The following KHDRBS3 variants were observed in gnomAD, a reference collection of about 807,000 sequenced individuals.
The protein encoded by KHDRBS3 is KH domain-containing, RNA-binding, signal transduction-associated protein 3.
KHDRBS3 carries 23 observed loss-of-function variants against 45.6 expected under a neutral mutation model. The observed-to-expected ratio is 0.50, with a 90% CI of 0.36 to 0.72. The LOEUF (loss-of-function observed/expected upper bound fraction) is 0.72. Ranked by LOEUF, KHDRBS3 falls within the 30% of genes least tolerant of loss-of-function variation. KHDRBS3 has a pLI of 0.00. For missense variants in KHDRBS3, 352 were observed against 424.8 expected, an observed-to-expected ratio of 0.83 and a Z score of 1.51; for synonymous variants, 162 against 156.5, an observed-to-expected ratio of 1.04 and a Z score of -0.26.
At chr8:135,570,582 A>G (rs117044766) in intron 5 of KHDRBS3, among the ~76,000 whole-genome samples, 2 of 152,378 alleles carry the variant, frequency 1.3e-5, no homozygotes, top group East Asian at 3.9e-4. Flanking sequence ...GAAATTTTAA[A>G]TAAAAGAACA....
intron 5 of KHDRBS3, among the ~76,000 whole-genome samples, chr8:135,574,652 T>C (rs1827869483): frequency 6.6e-6 from 1 of 152,210 alleles, no homozygotes; most frequent in Non-Finnish European, 1.5e-5. Context: ...CATTAATTAG[T>C]TTAAATATAC....
At chr8:135,626,747 T>C (rs941922257) in intron 7 of KHDRBS3, among the ~76,000 whole-genome samples, 116 of 135,870 alleles carry the variant, frequency 8.5e-4, no homozygotes, top group Non-Finnish European at 1.5e-3. Context: ...GAGCTTGCAG[T>C]GAGCCGAGAT....
intron 1 of KHDRBS3, among the ~76,000 whole-genome samples, chr8:135,512,815 T>A (rs1269188133): frequency 6.6e-6 from 1 of 152,188 alleles, no homozygotes; most frequent in Non-Finnish European, 1.5e-5. Context: ...AATGAGTATA[T>A]GAAAATATAT....
intron 7 of KHDRBS3, among the ~76,000 whole-genome samples, chr8:135,632,931 C>T (rs1830664416): frequency 6.6e-6 from 1 of 152,120 alleles, no homozygotes; most frequent in South Asian, 2.1e-4. Flanking sequence ...CAGATAATAT[C>T]TGCATATCTC....
rs1240319373 is a variant in KHDRBS3, at chr8:135,567,031, A to G, written c.611+9444A>G. Among the ~76,000 whole-genome samples the G allele has an allele frequency of 3.9e-5, 6 of 152,176 alleles. No homozygotes were observed. In the South Asian group the frequency reaches 8.3e-4, roughly 21 times the overall value. ...AGTGGTGGCAGTCTTCATTGACTGC[A>G]TAATTACTCCTGAACGCCTCTGAAT... On this transcript the variant is annotated intron_variant, in intron 5 of 8. Transcript: ENST00000355849.
chr8:135,585,090 G>A (rs1828403129), intron 6 of KHDRBS3, among the ~76,000 whole-genome samples: 4 of 151,662 alleles, frequency 2.6e-5, no homozygotes, highest in Middle Eastern at 3.4e-3. Flanking sequence ...TTAGCCGGGT[G>A]TAGTGGTGCG....
intron 5 of KHDRBS3, among the ~76,000 whole-genome samples, chr8:135,577,863 A>G (rs2130910268): frequency 6.6e-6 from 1 of 152,320 alleles, no homozygotes; most frequent in South Asian, 2.1e-4. Context: ...CCAGGCAGGA[A>G]TGAGAGTTTA....
chr8:135,537,197 G>A (rs1274541051), intron 2 of KHDRBS3, among the ~76,000 whole-genome samples: 2 of 152,118 alleles, frequency 1.3e-5, no homozygotes, highest in Admixed American at 6.5e-5. Flanking sequence ...AGGGACTCTG[G>A]AAGAAGAGCA....
chr8:135,460,071 G>A (rs1821355179), intron 1 of KHDRBS3, among the ~76,000 whole-genome samples: 1 of 152,140 alleles, frequency 6.6e-6, no homozygotes, highest in Non-Finnish European at 1.5e-5. Context: ...TTAATTACAC[G>A]CTTATGTAAC....
intron 1 of KHDRBS3, among the ~76,000 whole-genome samples, chr8:135,459,442 A>G (rs957204342): frequency 1.3e-5 from 2 of 152,258 alleles, no homozygotes; most frequent in Non-Finnish European, 2.9e-5. Context: ...TAAAAGAAAA[A>G]AAATTAAGTT....
chr8:135,604,496 ACTTC>A (rs551061458), intron 6 of KHDRBS3, among the ~76,000 whole-genome samples: 75 of 150,676 alleles, frequency 5.0e-4, no homozygotes, highest in Middle Eastern at 6.9e-3. Context: ...TTTGTACCTT[ACTTC>A]CTTCTTTTGT....
chr8:135,521,473 A>G (rs1272346315), intron 2 of KHDRBS3, 118 bp downstream of exon 2: 1 of 571,626 alleles, frequency 1.7e-6, no homozygotes, highest in South Asian at 2.7e-5. Flanking sequence ...CCCCCTACAC[A>G]CACTTTTAAA....
In KHDRBS3 at chr8:135,489,233, A is replaced by C. The variant is rs77245866; in HGVS notation, c.88+31279A>C. On this transcript the variant is annotated intron_variant, in intron 1 of 8. Transcript: ENST00000355849. ...GCTAGACTCTAAACCCCAAGAGGAC[A>C]GTGCCTGTTTTTTTGTTTGGTTTTG... 2.1e-3 allele frequency among the ~76,000 whole-genome samples: 312 copies of C among 152,148 alleles called. 1 individual carries two copies. Among genetic ancestry groups the C allele is most frequent in the Non-Finnish European group, 3.3e-3 (227 of 68,022 alleles).
At chr8:135,522,119 G>A (rs889231167) in intron 2 of KHDRBS3, among the ~76,000 whole-genome samples, 1 of 152,026 alleles carries the variant, frequency 6.6e-6, no homozygotes, top group East Asian at 1.9e-4. Flanking sequence ...CCCATGACAG[G>A]CCCCACTGTG....
intron 1 of KHDRBS3, among the ~76,000 whole-genome samples, chr8:135,518,961 A>G (rs1824766466): frequency 2.0e-5 from 3 of 152,228 alleles, no homozygotes; most frequent in Admixed American, 2.0e-4. Flanking sequence ...AATCAATAAA[A>G]TTAAAGGTAC....
At chr8:135,637,379 A>G (rs1297864647) in intron 7 of KHDRBS3, among the ~76,000 whole-genome samples, 1 of 152,250 alleles carries the variant, frequency 6.6e-6, no homozygotes, top group Non-Finnish European at 1.5e-5. Context: ...AAACTAGGTC[A>G]GTCTAGAGCA....
At position 135,647,258 on chromosome 8, in the gene KHDRBS3, A is replaced by AAG; in HGVS notation, c.*175_*176insGA. 1.0e-5 allele frequency: 4 copies of AAG among 400,500 alleles called. No individual in the cohort carries two copies. In the East Asian group the frequency reaches 1.5e-4, roughly 15 times the overall value. 24.8% of individuals were successfully genotyped at this position (400,500 alleles called of 1,614,324 possible). A position where few individuals can be genotyped will look rare whatever the true frequency, so the allele number is the denominator to read the frequency against. On this transcript the variant is annotated 3_prime_UTR_variant, in exon 9 of 9. Coordinates refer to ENST00000355849, the MANE Select transcript of KHDRBS3 (RefSeq NM_006558.3). ...TCAACCTGGGCAGAAAAAAAAAAAA[A>AAG]AAGACATGTAAAATTTTGTTATTTC... is the stretch of plus-strand genomic sequence containing the variant.
At chr8:135,491,308 A>T (rs573248841) in intron 1 of KHDRBS3, among the ~76,000 whole-genome samples, 1 of 152,180 alleles carries the variant, frequency 6.6e-6, no homozygotes, top group Middle Eastern at 3.4e-3. Flanking sequence ...TGAGGTATCT[A>T]TTTTTGTGTA....
intron 1 of KHDRBS3, among the ~76,000 whole-genome samples, chr8:135,510,633 C>A (rs1200198664): frequency 6.6e-6 from 1 of 152,212 alleles, no homozygotes; most frequent in Non-Finnish European, 1.5e-5. Flanking sequence ...CAGGGTTTCA[C>A]CGTGTTGGCC....
Sources: gnomAD v4.1 joint callset for allele counts (sites outside exome capture counted in the v4.1 genomes callset) on GRCh38, gnomAD v4.1.1 for gene constraint, MANE v1.5 for transcripts, NCBI Gene and HGNC (gene_info 2026-07-23, HGNC 2026-07-21) for gene names.